KIAA2012: variants seen among roughly 807,000 people sequenced by gnomAD.
KIAA2012 encodes the protein KIAA2012, also known as uncharacterized protein KIAA2012.
KIAA2012 carries 125 observed loss-of-function variants against 150.6 expected under a neutral mutation model. That is an observed-to-expected ratio of 0.83 (90% CI 0.72 to 0.96). KIAA2012 has a LOEUF of 0.96. Ranked by LOEUF, KIAA2012 falls within the 40% of genes least tolerant of loss-of-function variation. The pLI is 0.00. For synonymous variants in KIAA2012, 462 were observed against 504.7 expected (o/e 0.92, Z 1.13); for missense variants, 1,219 against 1,354.9 (o/e 0.90, Z 1.57).
intron 10 of KIAA2012, among the ~76,000 whole-genome samples, chr2:202,113,108 C>T (rs1263310833): frequency 3.3e-5 from 5 of 152,288 alleles, no homozygotes; most frequent in Admixed American, 3.3e-4. Context: ...CAAGTGGTAG[C>T]CCCTCCCTGT....
chr2:202,186,601 T>G (rs1419513697), intron 16 of KIAA2012, among the ~76,000 whole-genome samples: 1 of 152,258 alleles, frequency 6.6e-6, no homozygotes, highest in East Asian at 1.9e-4. Flanking sequence ...AAGGTCACTT[T>G]CTTTTTCCAG....
chr2:202,188,399 A>G, intron 18 of KIAA2012, 133 bp downstream of exon 18: 1 of 667,164 alleles, frequency 1.5e-6, no homozygotes, highest in East Asian at 2.7e-5. Flanking sequence ...TACAGCCAAG[A>G]TGGTGTTGCA....
At chr2:202,155,868 A>G (rs543091232) in intron 14 of KIAA2012, among the ~76,000 whole-genome samples, 1 of 152,276 alleles carries the variant, frequency 6.6e-6, no homozygotes, top group African/African-American at 2.4e-5. Flanking sequence ...GCTTCCTCTT[A>G]GATAGGCTCT....
chr2:202,113,300 G>A (rs1204726168), intron 10 of KIAA2012, 36 bp from the exon 11 acceptor site: 3 of 1,499,190 alleles, frequency 2.0e-6, no homozygotes, highest in Admixed American at 2.0e-5. Flanking sequence ...CACCAACACG[G>A]TACTGACACT....
In KIAA2012 at chr2:202,104,204, T is replaced by C. The variant is rs1477346851; in HGVS notation, c.1324+1090T>C. ...TGGATTATAGATTTGTCAAAACTCA[T>C]TGAACTGTGCACTTAAGATCTGTGC... is the stretch of plus-strand genomic sequence containing the variant. On this transcript the variant is annotated intron_variant, in intron 8 of 23. Transcript: ENST00000498697. The surrounding 1 kb of genome is among the most constrained non-coding windows in gnomAD (Gnocchi z 4.3). Among the ~76,000 whole-genome samples, 1 of 152,172 alleles carries C rather than the reference T, an allele frequency of 6.6e-6. No homozygotes were observed. The highest frequency in any genetic ancestry group is 2.4e-5 in the African/African-American group (1 of 41,438).
chr2:202,077,091 C>A, intron 2 of KIAA2012: 1 of 445,236 alleles, frequency 2.2e-6, no homozygotes. Context: ...TGACCCCCAG[C>A]TCCTCCAGGT....
intron 15 of KIAA2012, chr2:202,179,337 C>A: frequency 9.2e-7 from 1 of 1,088,938 alleles, no homozygotes; most frequent in Non-Finnish European, 1.4e-6. Flanking sequence ...ACATTCAGCC[C>A]GTCTGATAAA....
intron 12 of KIAA2012, among the ~76,000 whole-genome samples, chr2:202,134,540 T>C (rs753755355): frequency 6.6e-6 from 1 of 152,226 alleles, no homozygotes; most frequent in African/African-American, 2.4e-5. Flanking sequence ...TGGGAATAAA[T>C]ATGACTATGT....
intron 2 of KIAA2012, among the ~76,000 whole-genome samples, chr2:202,087,059 T>C (rs1259717154): frequency 6.6e-6 from 1 of 152,218 alleles, no homozygotes; most frequent in African/African-American, 2.4e-5. Flanking sequence ...TCCTGCCCAC[T>C]ACTTGTTTGT....
intron 3 of KIAA2012, 118 bp downstream of exon 3, chr2:202,091,047 A>C (rs1689706901): frequency 7.6e-7 from 1 of 1,322,944 alleles, no homozygotes; most frequent in Admixed American, 2.7e-5. Flanking sequence ...ATTCTGTGTT[A>C]AAGCAAAGTC....
intron 12 of KIAA2012, chr2:202,136,410 G>C (rs957218428): frequency 6.5e-6 from 1 of 152,858 alleles, no homozygotes; most frequent in African/African-American, 2.4e-5. Context: ...ACAGACTGCT[G>C]ATTGGTGCGT....
At chr2:202,083,216 G>A (rs1575000918) in intron 2 of KIAA2012, among the ~76,000 whole-genome samples, 1 of 152,332 alleles carries the variant, frequency 6.6e-6, no homozygotes, top group East Asian at 1.9e-4. Context: ...AAGATAGATA[G>A]GAGAGAGAGT....
Position 202,097,496 on chromosome 2 carries a change from A to G in KIAA2012, c.747A>G (p.Leu249=). The change falls in exon 5 of 24, where the codon CTA becomes CTG. Residue 249 remains leucine, a synonymous_variant. Transcript: ENST00000498697. ...GAAGHVDQGP[L]AKNHGSQGTR... is the part of the protein sequence containing the mutation. ...CTGGACACGTGGACCAGGGCCCTCTAGCCAAGAACCATGGCAGTCAGGGGA... is the reference window on the plus strand; with the variant it reads ...CTGGACACGTGGACCAGGGCCCTCTGGCCAAGAACCATGGCAGTCAGGGGA... 2 of 1,550,470 alleles carry G rather than the reference A, an allele frequency of 1.3e-6. No individual in the cohort carries two copies. The highest frequency in any genetic ancestry group is 1.7e-6 in the Non-Finnish European group (2 of 1,146,976).
At chr2:202,156,405 C>T (rs1691526143) in intron 14 of KIAA2012, among the ~76,000 whole-genome samples, 1 of 152,162 alleles carries the variant, frequency 6.6e-6, no homozygotes, top group Non-Finnish European at 1.5e-5. Flanking sequence ...AATATCATCA[C>T]AGTCACCATT....
chr2:202,180,331 G>A lies in KIAA2012; in HGVS notation c.2120-4422G>A, dbSNP rs529975428. On this transcript the variant is annotated intron_variant, in intron 15 of 23. Coordinates refer to ENST00000498697, the MANE Select transcript of KIAA2012 (RefSeq NM_001277372.4). ...AACAATGAAGTGACTGAAAAATCCAGAATTTCAGATAATCTATCTACTTAA... is the reference window on the plus strand; with the variant it reads ...AACAATGAAGTGACTGAAAAATCCAAAATTTCAGATAATCTATCTACTTAA... 2.5e-4 allele frequency among the ~76,000 whole-genome samples: 37 copies of A among 148,786 alleles called. No individual in the cohort carries two copies. In the East Asian group the frequency reaches 2.6e-3, roughly 10 times the overall value.
intron 13 of KIAA2012, among the ~76,000 whole-genome samples, chr2:202,152,711 T>A (rs1203125220): frequency 6.6e-6 from 1 of 152,152 alleles, no homozygotes; most frequent in African/African-American, 2.4e-5. Flanking sequence ...GATAAAAAAA[T>A]TGGATGTGTG....
chr2:202,180,131 C>T (rs1287051049), intron 15 of KIAA2012, among the ~76,000 whole-genome samples: 1 of 152,046 alleles, frequency 6.6e-6, no homozygotes, highest in Non-Finnish European at 1.5e-5. Flanking sequence ...ATTAGCCGGG[C>T]ATGGTGGTGC....
chr2:202,201,483 C>A (rs539625722), intron 22 of KIAA2012: 3 of 1,601,516 alleles, frequency 1.9e-6, no homozygotes, highest in Middle Eastern at 3.3e-4. Context: ...CTGAGCAGCA[C>A]TGGGAGGGCA....
chr2:202,114,959 G>T (rs1469110396), intron 11 of KIAA2012: 2 of 167,438 alleles, frequency 1.2e-5, no homozygotes, highest in Non-Finnish European at 2.9e-5. Context: ...ATGGGCAGTT[G>T]GTTGACCTTC....
Sources: gnomAD v4.1 joint callset for allele counts (sites outside exome capture counted in the v4.1 genomes callset) on GRCh38, gnomAD v4.1.1 for gene constraint, Gnocchi (gnomAD v3.1) non-coding constraint, MANE v1.5 for transcripts, NCBI Gene and HGNC (gene_info 2026-07-23, HGNC 2026-07-21) for gene names.